FKBP5: variants seen among roughly 807,000 people sequenced by gnomAD.
The protein encoded by FKBP5 is FKBP prolyl isomerase 5.
Under a neutral mutation model 50.5 loss-of-function variants are expected in FKBP5, and 23 were observed. That is an observed-to-expected ratio of 0.46 (90% CI 0.33 to 0.65). FKBP5 has a LOEUF of 0.65. Among genes scored for constraint, FKBP5 ranks in the 30% least tolerant of loss-of-function variants. The pLI is 0.02. For missense variants in FKBP5, 411 were observed against 553.1 expected (o/e 0.74, Z 2.58); for synonymous variants, 176 against 190.6 (o/e 0.92, Z 0.63).
Position 35,607,137 on chromosome 6 carries a change from C to T in FKBP5, c.509-9733G>A, listed in dbSNP as rs575560212. Among the ~76,000 whole-genome samples, 975 of 152,224 alleles carry T rather than the reference C, an allele frequency of 6.4e-3. 7 individuals are homozygous for T. Among genetic ancestry groups the T allele is most frequent in the Non-Finnish European group, 0.011 (742 of 68,004 alleles). ...ATTTTTAGTAGAGGCAGGGTTTCAC[C>T]ATGTTGGCCAGGCTGGTCTTGAACT... is the stretch of plus-strand genomic sequence containing the variant. On this transcript the variant is annotated intron_variant, in intron 5 of 10. Transcript: ENST00000357266.
chr6:35,589,362 C>T (rs575833043), intron 7 of FKBP5, among the ~76,000 whole-genome samples: 3 of 151,942 alleles, frequency 2.0e-5, no homozygotes, highest in African/African-American at 7.2e-5. Context: ...CTCCTGACCT[C>T]AGGTGATCCA....
chr6:35,587,069 C>A lies in FKBP5; in HGVS notation c.805G>T (p.Ala269Ser). Residue 269 changes from alanine (A) to serine (S), a missense_variant, in exon 8 of 11, where the codon GCC becomes TCC. By Grantham distance (99) the Ala-to-Ser change is moderately conservative. Around this residue, in one of 3 missense-constraint regions of FKBP5, gnomAD observed 267 missense variants for 405.9 expected, o/e 0.66. Transcript: ENST00000357266. ...ACGGTTCCCTTCTCTTTGACAATGGCAGCCTGCTCCAATTTTTCTTTGGTA... is the reference window on the plus strand; with the variant it reads ...ACGGTTCCCTTCTCTTTGACAATGGAAGCCTGCTCCAATTTTTCTTTGGTA... ...MDTKEKLEQAAIVKEKGTVYF... is the reference protein window; with the variant it reads ...MDTKEKLEQASIVKEKGTVYF... 1 of 1,614,096 alleles carries A rather than the reference C, an allele frequency of 6.2e-7. No homozygotes were observed. Among genetic ancestry groups the A allele is most frequent in the Non-Finnish European group, 8.5e-7 (1 of 1,179,956 alleles).
At chr6:35,584,401 T>G in intron 8 of FKBP5, 1 of 985,454 alleles carries the variant, frequency 1.0e-6, no homozygotes, top group Non-Finnish European at 1.2e-6. Context: ...AATTCCAATA[T>G]GCAGATGGCA....
rs758426303 is a variant in FKBP5, at chr6:35,587,109, T to C, written c.765A>G (p.Glu255=). The change falls in exon 8 of 11, where the codon GAA becomes GAG. Residue 255 remains glutamate, a synonymous_variant. Transcript: ENST00000357266. The part of the protein sequence containing the change: ...VTLKSFEKAK[E]SWEMDTKEKL... The stretch of plus-strand genomic sequence containing the variant: ...TTTCTTTGGTATCCATCTCCCAGGA[T>C]TCTTTGGCCTGTGTGTAAATTTGTG... 2 of 1,614,070 alleles carry C rather than the reference T, an allele frequency of 1.2e-6. No individual in the cohort carries two copies. The highest frequency in any genetic ancestry group is 1.7e-6 in the Non-Finnish European group (2 of 1,179,922).
chr6:35,620,403 T>C, intron 3 of FKBP5, 129 bp from the exon 4 acceptor site: 1 of 868,034 alleles, frequency 1.2e-6, no homozygotes, highest in South Asian at 1.8e-5. Flanking sequence ...GGCTACAAGA[T>C]GACAGAGTGC....
intron 5 of FKBP5, among the ~76,000 whole-genome samples, chr6:35,603,100 A>T (rs764614643): frequency 1.3e-5 from 2 of 152,240 alleles, no homozygotes; most frequent in Non-Finnish European, 2.9e-5. Flanking sequence ...ATAATTGTTG[A>T]GAGGATTAAA....
intron 5 of FKBP5, among the ~76,000 whole-genome samples, chr6:35,605,931 A>T (rs1763300765): frequency 6.6e-6 from 1 of 152,262 alleles, no homozygotes; most frequent in South Asian, 2.1e-4. Flanking sequence ...GATGGATTAA[A>T]GGCTTAAATG....
At chr6:35,688,380 G>C (rs919976184) in intron 1 of FKBP5, among the ~76,000 whole-genome samples, 2 of 152,130 alleles carry the variant, frequency 1.3e-5, no homozygotes, top group African/African-American at 4.8e-5. Context: ...GGGTCCGGCC[G>C]CCTGTCCGGG....
intron 1 of FKBP5, among the ~76,000 whole-genome samples, chr6:35,644,865 C>T (rs534895799): frequency 6.6e-6 from 1 of 152,182 alleles, no homozygotes; most frequent in East Asian, 1.9e-4. Flanking sequence ...AATATATGCA[C>T]ACAAAAAAAT....
upstream of FKBP5, among the ~76,000 whole-genome samples, chr6:35,690,272 G>A (rs935601385): frequency 6.6e-6 from 1 of 151,192 alleles, no homozygotes; most frequent in African/African-American, 2.4e-5. Context: ...AGTTCGAGAC[G>A]AGCCTGACCA....
intron 1 of FKBP5, among the ~76,000 whole-genome samples, chr6:35,685,244 A>C (rs1765789738): frequency 6.6e-6 from 1 of 152,202 alleles, no homozygotes; most frequent in Non-Finnish European, 1.5e-5. Context: ...TATTTTAGCC[A>C]GTCTCATTTG....
intron 2 of FKBP5, among the ~76,000 whole-genome samples, chr6:35,698,835 C>T (rs1766129329): frequency 6.6e-6 from 1 of 152,026 alleles, no homozygotes; most frequent in African/African-American, 2.4e-5. Flanking sequence ...TTTTAAACAA[C>T]CAGATCTCAC....
intron 1 of FKBP5, among the ~76,000 whole-genome samples, chr6:35,648,284 T>C (rs1438333752): frequency 6.6e-6 from 1 of 152,152 alleles, no homozygotes; most frequent in Non-Finnish European, 1.5e-5. Flanking sequence ...TTATTGTCTC[T>C]TAAGAGACAG....
chr6:35,583,723 T>G (rs1762513954), intron 8 of FKBP5: 2 of 957,862 alleles, frequency 2.1e-6, no homozygotes, highest in South Asian at 9.7e-5. Flanking sequence ...CAATCAAGAA[T>G]TATCCCACTC....
intron 1 of FKBP5, among the ~76,000 whole-genome samples, chr6:35,646,584 C>T (rs1416080192): frequency 6.6e-6 from 1 of 152,098 alleles, no homozygotes; most frequent in Non-Finnish European, 1.5e-5. Flanking sequence ...ACAGTAAGGA[C>T]AGACAATTCC....
intron 2 of FKBP5, among the ~76,000 whole-genome samples, chr6:35,700,779 G>A (rs368138342): frequency 6.6e-5 from 10 of 151,494 alleles, no homozygotes; most frequent in Non-Finnish European, 1.2e-4. Context: ...CCAATATGGC[G>A]AAACCCTGTC....
chr6:35,636,904 T>A, intron 3 of FKBP5, 110 bp downstream of exon 3: 1 of 986,962 alleles, frequency 1.0e-6, no homozygotes, highest in Non-Finnish European at 1.4e-6. Context: ...CTTTGAGTAC[T>A]ACTACTCTAA....
At chr6:35,611,658 A>C (rs1357637075) in intron 5 of FKBP5, among the ~76,000 whole-genome samples, 2 of 152,230 alleles carry the variant, frequency 1.3e-5, no homozygotes, top group Non-Finnish European at 2.9e-5. Context: ...CAATTAGAGT[A>C]CCTTAGAACA....
intron 1 of FKBP5, among the ~76,000 whole-genome samples, chr6:35,653,523 G>A (rs962079499): frequency 2.6e-5 from 4 of 152,172 alleles, no homozygotes; most frequent in African/African-American, 9.7e-5. Context: ...TGGAGTTAAA[G>A]GTACTGGCAT....
Sources: allele counts gnomAD v4.1 joint callset (sites outside exome capture counted in the v4.1 genomes callset), GRCh38; gene constraint gnomAD v4.1.1; regional missense constraint gnomAD v4.1.1; transcripts MANE v1.5; gene names NCBI Gene and HGNC (gene_info 2026-07-23, HGNC 2026-07-21).